The following ATAD2 variants were observed in gnomAD, a reference collection of about 807,000 sequenced individuals.
The protein encoded by ATAD2 is ATPase family AAA domain containing 2.
Under a neutral mutation model 168.9 loss-of-function variants are expected in ATAD2, and 62 were observed. That is an observed-to-expected ratio of 0.37 (90% CI 0.30 to 0.45). ATAD2 has a LOEUF of 0.45. Ranked by LOEUF, ATAD2 falls within the 20% of genes least tolerant of loss-of-function variation. ATAD2 has a pLI of 1.00. For missense variants in ATAD2, 1,419 were observed against 1,667.8 expected (o/e 0.85, Z 2.60); for synonymous variants, 613 against 571.6 (o/e 1.07, Z -1.03).
intron 19 of ATAD2, among the ~76,000 whole-genome samples, chr8:123,340,345 A>C (rs1329792460): frequency 2.0e-5 from 3 of 152,258 alleles, no homozygotes; most frequent in Admixed American, 2.0e-4. Flanking sequence ...AAGATATTGG[A>C]AACTCAGTGG....
chr8:123,371,250 T>C lies in ATAD2; in HGVS notation c.625A>G (p.Asn209Asp). The C allele has an allele frequency of 6.2e-7, 1 of 1,603,252 alleles. No individual in the cohort carries two copies. Among genetic ancestry groups the C allele is most frequent in the Non-Finnish European group, 8.5e-7 (1 of 1,176,248 alleles). ...MRELEDLGVF[N>D]ETEESNLNMY... is the part of the protein sequence containing the mutation. Reference sequence around the variant, plus strand: ...AATATATTTACTTCTTCTGTTTCATTAAACACTCCCAAGTCTTCAAGTTCT... The same window carrying C: ...AATATATTTACTTCTTCTGTTTCATCAAACACTCCCAAGTCTTCAAGTTCT... The change falls in exon 5 of 28, where the codon AAT becomes GAT. Residue 209 changes from asparagine (N) to aspartate (D), a missense_variant. This residue lies in a region of ATAD2 where 419 missense variants were observed against 423.5 expected (regional missense o/e 0.99). Coordinates refer to ENST00000287394, the MANE Select transcript of ATAD2 (RefSeq NM_014109.4).
At chr8:123,351,916 A>G (rs1828477475) in intron 13 of ATAD2, among the ~76,000 whole-genome samples, 1 of 151,666 alleles carries the variant, frequency 6.6e-6, no homozygotes, top group Admixed American at 6.6e-5. Flanking sequence ...CCTGGCTAAT[A>G]TTTTTGTATT....
Position 123,344,883 on chromosome 8 carries a change from C to T in ATAD2, c.2718+1G>A, listed in dbSNP as rs780883901. 1 of 1,613,700 alleles carries T rather than the reference C, an allele frequency of 6.2e-7. No homozygotes were observed. Among genetic ancestry groups the T allele is most frequent in the Non-Finnish European group, 8.5e-7 (1 of 1,179,674 alleles). ...TAATGATACCGCCCCACATAAATTACCTCTTCTGGCAAAGCGGAATGGGGT... is the reference window on the plus strand; with the variant it reads ...TAATGATACCGCCCCACATAAATTATCTCTTCTGGCAAAGCGGAATGGGGT... On this transcript the variant is annotated splice_donor_variant, in intron 19 of 27. Coordinates refer to ENST00000287394, the MANE Select transcript of ATAD2 (RefSeq NM_014109.4). LOFTEE classifies it high-confidence loss of function.
intron 24 of ATAD2, among the ~76,000 whole-genome samples, chr8:123,329,933 T>C (rs549852790): frequency 6.7e-6 from 1 of 149,834 alleles, no homozygotes; most frequent in African/African-American, 2.5e-5. Context: ...TTTTAGGTAA[T>C]AGAAATGACA....
intron 18 of ATAD2, among the ~76,000 whole-genome samples, chr8:123,345,884 C>G (rs1025050944): frequency 6.6e-6 from 1 of 152,162 alleles, no homozygotes; most frequent in Admixed American, 6.6e-5. Flanking sequence ...AACAACTTTA[C>G]TAAGGTCACA....
chr8:123,346,869 T>C (rs1828260828), intron 16 of ATAD2, 119 bp from the exon 17 acceptor site: 2 of 1,208,906 alleles, frequency 1.7e-6, no homozygotes, highest in Non-Finnish European at 2.3e-6. Context: ...AAAATATTTG[T>C]GTAGATATGA....
At chr8:123,325,250 C>G (rs975324214) in intron 26 of ATAD2, among the ~76,000 whole-genome samples, 2 of 150,872 alleles carry the variant, frequency 1.3e-5, no homozygotes, top group Non-Finnish European at 3.0e-5. Flanking sequence ...GTGCCCACCA[C>G]CACACCTAAC....
intron 18 of ATAD2, 81 bp from the exon 19 acceptor site, chr8:123,345,150 A>T: frequency 7.5e-7 from 1 of 1,329,182 alleles, no homozygotes; most frequent in Non-Finnish European, 1.0e-6. Context: ...AACAATGTTT[A>T]ACCTCCCAGG....
At chr8:123,407,612 A>C (rs1813084723) in intron 1 of ATAD2, among the ~76,000 whole-genome samples, 1 of 151,822 alleles carries the variant, frequency 6.6e-6, no homozygotes, top group South Asian at 2.1e-4. Flanking sequence ...TAGTCCCAGC[A>C]CTTTGGGAGG....
intron 1 of ATAD2, among the ~76,000 whole-genome samples, chr8:123,409,002 A>C (rs1438743150): frequency 6.7e-6 from 1 of 150,022 alleles, no homozygotes; most frequent in Admixed American, 6.6e-5. Context: ...TAATTGTTGT[A>C]TTTTTAGTAG....
At chr8:123,327,451 C>T (rs569086781) in intron 25 of ATAD2, among the ~76,000 whole-genome samples, 1 of 151,946 alleles carries the variant, frequency 6.6e-6, no homozygotes, top group South Asian at 2.1e-4. Flanking sequence ...TACTCAAATA[C>T]ACTTAGAGCT....
At chr8:123,401,351 T>C (rs563684863), upstream of ATAD2, 105 of 1,408,712 alleles carry the variant, frequency 7.5e-5, no homozygotes, top group African/African-American at 1.1e-3. Flanking sequence ...AAATACCGCC[T>C]GGACCTGCTC....
intron 13 of ATAD2, among the ~76,000 whole-genome samples, chr8:123,353,609 G>C (rs1828543210): frequency 6.6e-6 from 1 of 151,736 alleles, no homozygotes; most frequent in African/African-American, 2.4e-5. Flanking sequence ...AAGTATTCCA[G>C]GCTTGTCTTG....
chr8:123,323,175 A>G, intron 26 of ATAD2, 109 bp from the exon 27 acceptor site: 3 of 1,177,114 alleles, frequency 2.5e-6, no homozygotes, highest in Non-Finnish European at 3.5e-6. Context: ...AGGGTAGACC[A>G]AGCCATCTGA....
intron 1 of ATAD2, among the ~76,000 whole-genome samples, chr8:123,408,977 G>A (rs1813110339): frequency 6.6e-6 from 1 of 151,898 alleles, no homozygotes; most frequent in South Asian, 2.1e-4. Context: ...ACAGGCGCGT[G>A]CCACCACGCC....
At chr8:123,366,765 GACA>G (rs1828992116) in intron 8 of ATAD2, among the ~76,000 whole-genome samples, 1 of 152,064 alleles carries the variant, frequency 6.6e-6, no homozygotes, top group Admixed American at 6.6e-5. Flanking sequence ...AGGGATAAAA[GACA>G]ACAAGTTGTG....
intron 25 of ATAD2, among the ~76,000 whole-genome samples, chr8:123,327,903 C>T (rs1827657569): frequency 1.3e-5 from 2 of 152,152 alleles, no homozygotes; most frequent in African/African-American, 2.4e-5. Context: ...ATCTTATCTA[C>T]CCCAATTTTG....
At chr8:123,328,605 TGAAA>T (rs773732519) in intron 24 of ATAD2, 26 bp from the exon 25 acceptor site, 14 of 1,498,746 alleles carry the variant, frequency 9.3e-6, no homozygotes, top group Middle Eastern at 1.8e-4. Context: ...AGAAAAATGA[TGAAA>T]GAACATTCAA....
upstream of ATAD2, among the ~76,000 whole-genome samples, chr8:123,396,895 C>A (rs1156531801): frequency 6.6e-6 from 1 of 151,944 alleles, no homozygotes; most frequent in Non-Finnish European, 1.5e-5. Flanking sequence ...AAATAAAGCA[C>A]TTGGCCTTTG....
Sources: gnomAD v4.1 joint callset for allele counts (sites outside exome capture counted in the v4.1 genomes callset) on GRCh38, gnomAD v4.1.1 for gene constraint, gnomAD v4.1.1 regional missense constraint, MANE v1.5 for transcripts, NCBI Gene and HGNC (gene_info 2026-07-23, HGNC 2026-07-21) for gene names.